NECTIN3: variants seen among roughly 807,000 people sequenced by gnomAD.
NECTIN3 encodes nectin-3.
Under a neutral mutation model 49.4 loss-of-function variants are expected in NECTIN3, and 8 were observed. The observed-to-expected ratio is 0.16, with a 90% CI of 0.10 to 0.29. NECTIN3 has a LOEUF of 0.29. Ranked by LOEUF, NECTIN3 falls within the 10% of genes least tolerant of loss-of-function variation. The probability of loss-of-function intolerance (pLI) is 1.00; values close to 1 mark genes in which losing one functional copy is unlikely to be tolerated. For missense variants in NECTIN3, 581 were observed against 654.6 expected (o/e 0.89, Z 1.23); for synonymous variants, 277 against 241.1 (o/e 1.15, Z -1.38).
chr3:111,121,587 T>A (rs2033957732), intron 3 of NECTIN3, among the ~76,000 whole-genome samples: 1 of 152,188 alleles, frequency 6.6e-6, no homozygotes, highest in Admixed American at 6.5e-5. Context: ...AAAGCCTGTG[T>A]CACATCTCTA....
In NECTIN3 at chr3:111,137,558, G is replaced by T. The variant is rs1229447436; in HGVS notation, c.*3343G>T. The T allele has an allele frequency of 2.2e-6, 2 of 920,808 alleles. No homozygotes were observed. The highest frequency in any genetic ancestry group is 6.3e-5 in the Admixed American group (1 of 15,998). 57.0% of individuals were successfully genotyped at this position (920,808 alleles called of 1,614,324 possible). ...TAAAAGTTAAAAAAGTTCTTTAGAG[G>T]CATATTTCTGTAATAAGTTCATTGC... is the stretch of plus-strand genomic sequence containing the variant. On this transcript the variant is annotated 3_prime_UTR_variant, in exon 6 of 6. Transcript: ENST00000485303.
rs1002095472 is a variant in NECTIN3 at position 111,137,407 on chromosome 3, C to A, written c.*3192C>A. On this transcript the variant is annotated 3_prime_UTR_variant, in exon 6 of 6. Transcript: ENST00000485303. ...TTGTGTTTGGGTTTTAGTTTGTACC[C>A]GCGCTAAGTTTTGGTTTTGTTGTGT... 2.1e-6 allele frequency: 2 copies of A among 946,468 alleles called. No individual in the cohort carries two copies. The highest frequency in any genetic ancestry group is 3.6e-5 in the African/African-American group (2 of 55,386). 58.6% of individuals were successfully genotyped at this position (946,468 alleles called of 1,614,324 possible). A position where few individuals can be genotyped will look rare whatever the true frequency, so the allele number is the denominator to read the frequency against.
rs933051094 is a variant in NECTIN3, at chr3:111,081,444, A to G, written c.160+9267A>G. On this transcript the variant is annotated intron_variant, in intron 1 of 5. Coordinates refer to ENST00000485303, the MANE Select transcript of NECTIN3 (RefSeq NM_015480.3). ...GAATGAAAGATGTCTTTCTCTGTGT[A>G]TGTGTGTGTGTGTATTAACCCAGTT... Among the ~76,000 whole-genome samples the G allele has an allele frequency of 2.6e-5, 4 of 151,974 alleles. No individual in the cohort carries two copies. In the East Asian group the frequency reaches 5.8e-4, roughly 22 times the overall value.
chr3:111,134,314 TCAAG>T lies in NECTIN3; in HGVS notation c.*100_*103del, dbSNP rs2034501667. 6.8e-7 allele frequency: 1 copy of T among 1,463,174 alleles called. No individual in the cohort carries two copies. The highest frequency in any genetic ancestry group is 1.4e-5 in the African/African-American group (1 of 70,028). The allele number at this position is 1,463,174 out of a possible 1,614,324, so 90.6% of individuals were successfully genotyped here. A position where few individuals can be genotyped will look rare whatever the true frequency, so the allele number is the denominator to read the frequency against. On this transcript the variant is annotated 3_prime_UTR_variant, in exon 6 of 6. Coordinates refer to ENST00000485303, the MANE Select transcript of NECTIN3 (RefSeq NM_015480.3). The stretch of plus-strand genomic sequence containing the variant: ...TTTTCTTGAGGAAGAATAAGCTTTT[TCAAG>T]TTGATTTTCAAGCTTACTTTTTATA...
At chr3:111,183,914 T>G (rs572440979) in intron 7 of NECTIN3, among the ~76,000 whole-genome samples, 54 of 152,150 alleles carry the variant, frequency 3.5e-4, no homozygotes, top group Non-Finnish European at 6.6e-4. Flanking sequence ...TTCATAAAAT[T>G]TGGAAAATTT....
intron 1 of NECTIN3, chr3:111,074,355 T>C (rs77290372): frequency 0.022 from 7,928 of 363,096 alleles, 161 homozygotes; most frequent in South Asian, 0.036. Flanking sequence ...GTAATTAATA[T>C]TTGCGTGGAG....
intron 1 of NECTIN3, among the ~76,000 whole-genome samples, chr3:111,102,179 T>A (rs577100882): frequency 5.0e-4 from 76 of 152,086 alleles, no homozygotes; most frequent in Non-Finnish European, 1.0e-3. Flanking sequence ...ATAGAAATGG[T>A]GTATATAAAA....
At chr3:111,148,252 G>A (rs1374565412) in intron 7 of NECTIN3, among the ~76,000 whole-genome samples, 1 of 152,098 alleles carries the variant, frequency 6.6e-6, no homozygotes, top group Non-Finnish European at 1.5e-5. Flanking sequence ...TTAATTTGGT[G>A]GAAAAATTCT....
At chr3:111,176,216 T>G (rs1226598007) in intron 7 of NECTIN3, among the ~76,000 whole-genome samples, 3 of 152,198 alleles carry the variant, frequency 2.0e-5, no homozygotes, top group African/African-American at 7.2e-5. Context: ...ATGTAAAAAT[T>G]AAATAGTGAC....
At position 111,136,078 on chromosome 3, in the gene NECTIN3, G is replaced by C; in HGVS notation, c.*1863G>C. The stretch of plus-strand genomic sequence containing the variant: ...ATGTGACTTTATTTTTAATTTAAAC[G>C]ATGAGGTGGCCAGAAGAAAGATGGG... On this transcript the variant is annotated 3_prime_UTR_variant, in exon 6 of 6. Coordinates refer to ENST00000485303, the MANE Select transcript of NECTIN3 (RefSeq NM_015480.3). The C allele has an allele frequency of 1.1e-6, 1 of 920,358 alleles. No homozygotes were observed. Among genetic ancestry groups the C allele is most frequent in the Non-Finnish European group, 1.3e-6 (1 of 774,974 alleles). 57.0% of individuals were successfully genotyped at this position (920,358 alleles called of 1,614,324 possible).
At chr3:111,082,881 A>G (rs2031705989) in intron 1 of NECTIN3, among the ~76,000 whole-genome samples, 1 of 152,210 alleles carries the variant, frequency 6.6e-6, no homozygotes, top group Non-Finnish European at 1.5e-5. Context: ...AGATAGTGAC[A>G]GATCATCAGG....
At chr3:111,122,778 C>T (rs919105506) in intron 4 of NECTIN3, among the ~76,000 whole-genome samples, 15 of 152,022 alleles carry the variant, frequency 9.9e-5, no homozygotes, top group Admixed American at 9.2e-4. Flanking sequence ...GTAGTTACTA[C>T]GTGCATAATT....
intron 7 of NECTIN3, among the ~76,000 whole-genome samples, chr3:111,166,076 T>G (rs1316584540): frequency 6.6e-6 from 1 of 152,196 alleles, no homozygotes; most frequent in Non-Finnish European, 1.5e-5. Flanking sequence ...GCCCGAGGTC[T>G]GCTGCAAGTT....
chr3:111,097,752 T>C (rs768551645), intron 1 of NECTIN3, among the ~76,000 whole-genome samples: 5 of 152,194 alleles, frequency 3.3e-5, no homozygotes, highest in Non-Finnish European at 4.4e-5. Flanking sequence ...ATTGTGAGGC[T>C]TCTCCAGCCC....
chr3:111,102,592 G>A (rs2032966506), intron 1 of NECTIN3, among the ~76,000 whole-genome samples: 2 of 152,176 alleles, frequency 1.3e-5, no homozygotes, highest in South Asian at 4.1e-4. Flanking sequence ...TTTAAGCATG[G>A]CTTGTCTTTT....
At chr3:111,192,295 G>A (rs772572988), upstream of NECTIN3, 69 of 1,418,046 alleles carry the variant, frequency 4.9e-5, no homozygotes, top group Middle Eastern at 1.9e-3. Flanking sequence ...AATCTTAGTG[G>A]TTGATATGTT....
chr3:111,134,141 T>A lies in NECTIN3; in HGVS notation c.1576T>A (p.Tyr526Asn), dbSNP rs752995369. 2.5e-6 allele frequency: 4 copies of A among 1,612,732 alleles called. No homozygotes were observed. The East Asian group carries it at 8.9e-5, about 36-fold the overall frequency. Reference protein sequence around the residue: ...MGMKFVSDEHYDENEDDLVSH... With the variant: ...MGMKFVSDEHNDENEDDLVSH... Reference sequence around the variant, plus strand: ...AATGAAGTTTGTCAGTGATGAACATTATGATGAAAACGAAGATGACTTAGT... The same window carrying A: ...AATGAAGTTTGTCAGTGATGAACATAATGATGAAAACGAAGATGACTTAGT... The change falls in exon 6 of 6, where the codon TAT (tyrosine) becomes AAT (asparagine). Residue 526 changes from tyrosine (Y) to asparagine (N), a missense_variant. Tyr to Asn is a moderately radical substitution (Grantham distance 143, BLOSUM62 -2). Around this residue, in one of 3 missense-constraint regions of NECTIN3, gnomAD observed 238 missense variants for 244.9 expected, o/e 0.97. Coordinates refer to ENST00000485303, the MANE Select transcript of NECTIN3 (RefSeq NM_015480.3).
At chr3:111,171,410 G>A (rs941760001) in intron 7 of NECTIN3, among the ~76,000 whole-genome samples, 5 of 152,280 alleles carry the variant, frequency 3.3e-5, no homozygotes, top group African/African-American at 9.6e-5. Context: ...AGTCCTGAGG[G>A]ACTACTTGCA....
At position 111,137,407 on chromosome 3, in the gene NECTIN3, C is replaced by T. The variant is rs1002095472; in HGVS notation, c.*3192C>T. ...TTGTGTTTGGGTTTTAGTTTGTACC[C>T]GCGCTAAGTTTTGGTTTTGTTGTGT... On this transcript the variant is annotated 3_prime_UTR_variant, in exon 6 of 6. Transcript: ENST00000485303. The T allele has an allele frequency of 1.7e-5, 16 of 946,468 alleles. No individual in the cohort carries two copies. Among genetic ancestry groups the T allele is most frequent in the African/African-American group, 7.2e-5 (4 of 55,386 alleles). 58.6% of individuals were successfully genotyped at this position (946,468 alleles called of 1,614,324 possible). A position where few individuals can be genotyped will look rare whatever the true frequency, so the allele number is the denominator to read the frequency against.
Sources: gnomAD v4.1 joint callset for allele counts (sites outside exome capture counted in the v4.1 genomes callset) on GRCh38, gnomAD v4.1.1 for gene constraint, gnomAD v4.1.1 regional missense constraint, MANE v1.5 for transcripts, NCBI Gene and HGNC (gene_info 2026-07-23, HGNC 2026-07-21) for gene names.